Variants in TBX4 observed in about 807,000 individuals in gnomAD.
TBX4 encodes T-box transcription factor 4.
TBX4 carries 13 observed loss-of-function variants against 54.6 expected under a neutral mutation model. The observed-to-expected ratio is 0.24, with a 90% CI of 0.15 to 0.38. TBX4 has a LOEUF of 0.38. Among genes scored for constraint, TBX4 ranks in the 10% least tolerant of loss-of-function variants. The probability of loss-of-function intolerance (pLI) is 1.00; values close to 1 mark genes in which losing one functional copy is unlikely to be tolerated. For synonymous variants in TBX4, 314 were observed against 306.7 expected (o/e 1.02, Z -0.25); for missense variants, 631 against 728.5 (o/e 0.87, Z 1.54).
At position 61,480,381 on chromosome 17, in the gene TBX4, A is replaced by C; in HGVS notation, c.1021+62A>C. ...GAGGAGCGGTGAGGTTCTCCCCGAA[A>C]CCACTCTGCAGCGCCCCCCCCCCCA... On this transcript the variant is annotated intron_variant, in intron 8 of 8. Transcript: ENST00000644296. This position sits in a 1 kb window ranked among gnomAD's most constrained non-coding sequence, Gnocchi z 6.2. The C allele has an allele frequency of 2.2e-6, 3 of 1,338,238 alleles. No individual in the cohort carries two copies. Among genetic ancestry groups the C allele is most frequent in the Non-Finnish European group, 3.1e-6 (3 of 968,858 alleles). The allele number at this position is 1,338,238 out of a possible 1,614,324, so 82.9% of individuals were successfully genotyped here.
Position 61,476,348 on chromosome 17 carries a change from G to T in TBX4, c.550-2279G>T, listed in dbSNP as rs573979382. Reference sequence around the variant, plus strand: ...GAAAAGAATGGGAAAGGAAGATCGAGACAGCAGAGGGACCTGCATGTGCAA... The same window carrying T: ...GAAAAGAATGGGAAAGGAAGATCGATACAGCAGAGGGACCTGCATGTGCAA... On this transcript the variant is annotated intron_variant, in intron 5 of 8. Transcript: ENST00000644296. This position sits in a 1 kb window ranked among gnomAD's most constrained non-coding sequence, Gnocchi z 6.5. Among the ~76,000 whole-genome samples the T allele has an allele frequency of 1.8e-4, 28 of 152,350 alleles. No individual in the cohort carries two copies. Among genetic ancestry groups the T allele is most frequent in the African/African-American group, 6.5e-4 (27 of 41,584 alleles).
intron 5 of TBX4, among the ~76,000 whole-genome samples, chr17:61,469,673 C>A (rs181469144): frequency 6.6e-6 from 1 of 152,192 alleles, no homozygotes; most frequent in Non-Finnish European, 1.5e-5. Context: ...GCTCTCGCTG[C>A]GGTATCTTCA....
Position 61,480,191 on chromosome 17 carries a change from A to G in TBX4, c.893A>G (p.Gln298Arg), listed in dbSNP as rs1335195705. ...GTGGGCCCCCTGCTCGGCACCCACCAGGCACTCCAGCACTACCAGCACGAG... is the reference window on the plus strand; with the variant it reads ...GTGGGCCCCCTGCTCGGCACCCACCGGGCACTCCAGCACTACCAGCACGAG... Reference protein sequence around the residue: ...PDVGPLLGTHQALQHYQHENG... With the variant: ...PDVGPLLGTHRALQHYQHENG... The change falls in exon 8 of 9, where the codon CAG becomes CGG. Residue 298 changes from glutamine (Q) to arginine (R), a missense_variant. Coordinates refer to ENST00000644296, the MANE Select transcript of TBX4 (RefSeq NM_001321120.2). The surrounding 1 kb of genome is among the most constrained non-coding windows in gnomAD (Gnocchi z 6.2). The G allele has an allele frequency of 1.9e-6, 3 of 1,613,712 alleles. No homozygotes were observed. Among genetic ancestry groups the G allele is most frequent in the Admixed American group, 3.3e-5 (2 of 60,020 alleles).
rs113244672 is a variant in TBX4, at chr17:61,484,984, ACT to A, written c.*1469_*1470del. ...TATATATATATATAAACACACACAC[ACT>A]ACAGATAAGGCTTTTTTAGAAAACA... On this transcript the variant is annotated 3_prime_UTR_variant, in exon 9 of 9. Transcript: ENST00000644296. The surrounding 1 kb of genome is among the most constrained non-coding windows in gnomAD (Gnocchi z 4.1). The A allele has an allele frequency of 2.4e-3, 360 of 149,112 alleles. 2 individuals are homozygous for A. Among genetic ancestry groups the A allele is most frequent in the African/African-American group, 8.3e-3 (341 of 40,910 alleles). The allele number at this position is 149,112 out of a possible 1,614,324, so 9.2% of individuals were successfully genotyped here.
chr17:61,457,749 C>A lies in TBX4; in HGVS notation c.281+118C>A, dbSNP rs1264482337. 2.1e-6 allele frequency: 2 copies of A among 969,222 alleles called. No individual in the cohort carries two copies. Among genetic ancestry groups the A allele is most frequent in the African/African-American group, 1.6e-5 (1 of 61,916 alleles). The allele number at this position is 969,222 out of a possible 1,614,324, so 60.0% of individuals were successfully genotyped here. On this transcript the variant is annotated intron_variant, in intron 3 of 8. Transcript: ENST00000644296. The surrounding 1 kb of genome is among the most constrained non-coding windows in gnomAD (Gnocchi z 8.2). ...GGCCTGTGGGAGGCCTCTCTGCCTC[C>A]TCGGGCGTCAGTGCCACCTCCCTTC...
In TBX4 at chr17:61,474,003, C is replaced by T. The variant is rs2060599793; in HGVS notation, c.550-4624C>T. ...GGCTGATGGGCTCCCTGACTTAGAT[C>T]TAGTTTGAATTTTCCTTGGATGCAC... On this transcript the variant is annotated intron_variant, in intron 5 of 8. Transcript: ENST00000644296. This position sits in a 1 kb window ranked among gnomAD's most constrained non-coding sequence, Gnocchi z 4.6. 6.6e-6 allele frequency among the ~76,000 whole-genome samples: 1 copy of T among 152,096 alleles called. No homozygotes were observed. Among genetic ancestry groups the T allele is most frequent in the Non-Finnish European group, 1.5e-5 (1 of 68,018 alleles).
chr17:61,463,397 G>A (rs78851311), intron 3 of TBX4: 9,375 of 152,320 alleles, frequency 0.062, 328 homozygotes, highest in Middle Eastern at 0.14. Context: ...CTGTGCCGAC[G>A]CCCACATCTC....
chr17:61,473,166 C>G (rs1290372460), intron 5 of TBX4, among the ~76,000 whole-genome samples: 1 of 152,178 alleles, frequency 6.6e-6, no homozygotes, highest in Admixed American at 6.5e-5. Context: ...TCTGGTTCTT[C>G]AAAACGTATT....
rs2060654086 is a variant in TBX4, at chr17:61,480,227, A to C, written c.929A>C (p.His310Pro). 1 of 1,613,964 alleles carries C rather than the reference A, an allele frequency of 6.2e-7. No homozygotes were observed. Among genetic ancestry groups the C allele is most frequent in the Non-Finnish European group, 8.5e-7 (1 of 1,179,970 alleles). Residue 310 changes from histidine to proline, a missense_variant, in exon 8 of 9, where the codon CAC becomes CCC. His to Pro is a moderately conservative substitution (Grantham distance 77, BLOSUM62 -2). Coordinates refer to ENST00000644296, the MANE Select transcript of TBX4 (RefSeq NM_001321120.2). This position sits in a 1 kb window ranked among gnomAD's most constrained non-coding sequence, Gnocchi z 6.2. ...LQHYQHENGA[H>P]SQLAEPQDLP... is the part of the protein sequence containing the mutation. ...CACTACCAGCACGAGAACGGGGCAC[A>C]CTCACAGCTCGCGGAGCCGCAGGAC...
intron 5 of TBX4, 64 bp downstream of exon 5, chr17:61,467,721 C>G: frequency 3.7e-6 from 6 of 1,600,234 alleles, no homozygotes; most frequent in Non-Finnish European, 5.1e-6. Flanking sequence ...GTGGGACAGG[C>G]CAGGATGGGG....
At position 61,455,905 on chromosome 17, in the gene TBX4, T is replaced by C. The variant is rs75514233; in HGVS notation, c.-3-583T>C. Among the ~76,000 whole-genome samples the C allele has an allele frequency of 6.2e-3, 940 of 152,180 alleles. 4 individuals are homozygous for C. The highest frequency in any genetic ancestry group is 9.6e-3 in the Non-Finnish European group (650 of 67,984). The stretch of plus-strand genomic sequence containing the variant: ...GGGAGTGTGTTGGAGTGAAAGCCTT[T>C]GGTTCAGGAAGTCTCTACCTCAGTG... On this transcript the variant is annotated intron_variant, in intron 1 of 8. Transcript: ENST00000644296.
intron 1 of TBX4, chr17:61,453,001 A>T: frequency 1.0e-6 from 1 of 985,412 alleles, no homozygotes; most frequent in Non-Finnish European, 1.2e-6. Flanking sequence ...AGTGATCAGA[A>T]CACTAGACTC....
chr17:61,452,934 A>G (rs1020794337), intron 1 of TBX4: 1 of 985,472 alleles, frequency 1.0e-6, no homozygotes, highest in Non-Finnish European at 1.2e-6. Flanking sequence ...TTTGCAGAAT[A>G]TGCAAGGCCA....
At position 61,480,363 on chromosome 17, in the gene TBX4, G is replaced by A. The variant is rs541365352; in HGVS notation, c.1021+44G>A. Reference sequence around the variant, plus strand: ...AGAAGCCCTAGAGGGTAAGAGGAGCGGTGAGGTTCTCCCCGAAACCACTCT... The same window carrying A: ...AGAAGCCCTAGAGGGTAAGAGGAGCAGTGAGGTTCTCCCCGAAACCACTCT... On this transcript the variant is annotated intron_variant, in intron 8 of 8. Transcript: ENST00000644296. The surrounding 1 kb of genome is among the most constrained non-coding windows in gnomAD (Gnocchi z 6.2). The A allele has an allele frequency of 1.8e-4, 277 of 1,542,922 alleles. 1 individual carries two copies. The South Asian group carries it at 2.2e-3, about 12-fold the overall frequency.
rs1475197852 is a variant in TBX4 at position 61,457,824 on chromosome 17, G to A, written c.281+193G>A. Among the ~76,000 whole-genome samples, 2 of 152,204 alleles carry A rather than the reference G, an allele frequency of 1.3e-5. No homozygotes were observed. The highest frequency in any genetic ancestry group is 2.4e-5 in the African/African-American group (1 of 41,448). ...GCCCGCAGGGGGCCACCGCAGCCGC[G>A]CGGGCCTTGCGGGAAAGACCGAGGG... is the stretch of plus-strand genomic sequence containing the variant. On this transcript the variant is annotated intron_variant, in intron 3 of 8. Coordinates refer to ENST00000644296, the MANE Select transcript of TBX4 (RefSeq NM_001321120.2). The surrounding 1 kb of genome is among the most constrained non-coding windows in gnomAD (Gnocchi z 8.2).
chr17:61,473,232 T>C (rs1307938144), intron 5 of TBX4, among the ~76,000 whole-genome samples: 2 of 152,190 alleles, frequency 1.3e-5, no homozygotes, highest in Admixed American at 1.3e-4. Context: ...ACCTGATTTG[T>C]TACCATGATA....
chr17:61,455,234 G>C (rs555178103), intron 1 of TBX4, among the ~76,000 whole-genome samples: 1 of 152,350 alleles, frequency 6.6e-6, no homozygotes, highest in East Asian at 1.9e-4. Context: ...CTAAGCCCGG[G>C]ATGAGGAGGC....
At chr17:61,471,187 G>A (rs1284164091) in intron 5 of TBX4, among the ~76,000 whole-genome samples, 2 of 152,172 alleles carry the variant, frequency 1.3e-5, no homozygotes, top group Non-Finnish European at 2.9e-5. Context: ...AGGCCTGACT[G>A]CCACACCCTT....
rs148616062 is a variant in TBX4 at position 61,480,213 on chromosome 17, C to T, written c.915C>T (p.His305=). ...ACCAGGCACTCCAGCACTACCAGCA[C>T]GAGAACGGGGCACACTCACAGCTCG... ...GTHQALQHYQ[H]ENGAHSQLAE... The change falls in exon 8 of 9, where the codon CAC becomes CAT. Residue 305 remains histidine, a synonymous_variant. Coordinates refer to ENST00000644296, the MANE Select transcript of TBX4 (RefSeq NM_001321120.2). The surrounding 1 kb of genome is among the most constrained non-coding windows in gnomAD (Gnocchi z 6.2). The T allele has an allele frequency of 8.1e-6, 13 of 1,614,042 alleles. No individual in the cohort carries two copies. Among genetic ancestry groups the T allele is most frequent in the East Asian group, 4.5e-5 (2 of 44,886 alleles).
Sources: allele counts gnomAD v4.1 joint callset (sites outside exome capture counted in the v4.1 genomes callset), GRCh38; gene constraint gnomAD v4.1.1; non-coding constraint Gnocchi (gnomAD v3.1); transcripts MANE v1.5; gene names NCBI Gene and HGNC (gene_info 2026-07-23, HGNC 2026-07-21).